ANOS1: variants seen among roughly 807,000 people sequenced by gnomAD.
ANOS1 encodes the protein anosmin-1.
A neutral mutation model predicts 59.0 loss-of-function variants in ANOS1; 6 were observed. That is an observed-to-expected ratio of 0.10 (90% CI 0.06 to 0.20). The LOEUF (loss-of-function observed/expected upper bound fraction) is 0.20. Among genes scored for constraint, ANOS1 ranks in the 10% least tolerant of loss-of-function variants. The pLI is 1.00. For missense variants in ANOS1, 433 were observed against 542.3 expected, an observed-to-expected ratio of 0.80 and a Z score of 2.00; for synonymous variants, 217 against 223.4, an observed-to-expected ratio of 0.97 and a Z score of 0.25.
rs773646066 is a variant in ANOS1, at chrX:8,619,419, C to T, written c.318+4189G>A. ...AGGAGATGGAGACCATCCTGGCCAA[C>T]ATGGTGAAACCCCGTCTCTACTAAA... On this transcript the variant is annotated intron_variant, in intron 3 of 13. Coordinates refer to ENST00000262648, the MANE Select transcript of ANOS1 (RefSeq NM_000216.4). Among the ~76,000 whole-genome samples, 28 of 111,143 alleles carry T rather than the reference C, an allele frequency of 2.5e-4. No homozygotes were observed. In the South Asian group the frequency reaches 3.0e-3, roughly 12 times the overall value.
At chrX:8,634,712 T>A (rs1233547961) in intron 2 of ANOS1, among the ~76,000 whole-genome samples, 1 of 112,257 alleles carries the variant, frequency 8.9e-6, no homozygotes. Context: ...AATAAATTCA[T>A]AAAATAATCT....
At chrX:8,627,728 G>C (rs936886668) in intron 2 of ANOS1, among the ~76,000 whole-genome samples, 1 of 107,792 alleles carries the variant, frequency 9.3e-6, no homozygotes, top group Non-Finnish European at 1.9e-5. Context: ...ACTCTGGCCA[G>C]TTAAAAAAAA....
At chrX:8,572,821 A>G (rs778441037) in intron 6 of ANOS1, among the ~76,000 whole-genome samples, 8 of 111,437 alleles carry the variant, frequency 7.2e-5, no homozygotes, top group African/African-American at 2.3e-4. Context: ...TATGAGGTAG[A>G]TGACCTGCAG....
At chrX:8,664,809 G>C (rs759802840) in intron 2 of ANOS1, among the ~76,000 whole-genome samples, 1 of 111,665 alleles carries the variant, frequency 9.0e-6, no homozygotes, top group East Asian at 2.8e-4. Flanking sequence ...GAGCAGCCAC[G>C]GTGGTGTCTC....
chrX:8,675,083 G>A (rs1408457973), intron 2 of ANOS1, among the ~76,000 whole-genome samples: 1 of 111,134 alleles, frequency 9.0e-6, no homozygotes, highest in Non-Finnish European at 1.9e-5. Flanking sequence ...ATGTGAGCCA[G>A]TGAAGGAAAT....
intron 1 of ANOS1, among the ~76,000 whole-genome samples, chrX:8,719,769 G>A (rs1467177564): frequency 9.0e-6 from 1 of 110,632 alleles, no homozygotes; most frequent in Admixed American, 9.7e-5. Context: ...ATATATTTTT[G>A]AGCTCACTAA....
intron 1 of ANOS1, among the ~76,000 whole-genome samples, chrX:8,706,518 C>T (rs1026548256): frequency 8.9e-6 from 1 of 111,803 alleles, no homozygotes; most frequent in Non-Finnish European, 1.9e-5. Flanking sequence ...CATACAACAC[C>T]AAAAGTGAAG....
chrX:8,643,911 A>G (rs1045215968), intron 2 of ANOS1, among the ~76,000 whole-genome samples: 18 of 109,998 alleles, frequency 1.6e-4, no homozygotes, highest in Middle Eastern at 9.4e-3. Flanking sequence ...CACCCCCCCA[A>G]CCCCGCCTCC....
At chrX:8,563,278 C>T (rs1930060716) in intron 8 of ANOS1, among the ~76,000 whole-genome samples, 1 of 112,402 alleles carries the variant, frequency 8.9e-6, no homozygotes, top group South Asian at 3.6e-4. Context: ...ACTACCATAT[C>T]TCTTAATTAA....
chrX:8,562,281 A>G (rs769056615), intron 8 of ANOS1, among the ~76,000 whole-genome samples: 4 of 111,983 alleles, frequency 3.6e-5, no homozygotes, highest in Non-Finnish European at 7.5e-5. Flanking sequence ...GTAAAAACAT[A>G]TTTTTATATA....
chrX:8,715,272 TTC>T (rs1003357465), intron 1 of ANOS1, among the ~76,000 whole-genome samples: 2 of 110,547 alleles, frequency 1.8e-5, no homozygotes, highest in African/African-American at 6.6e-5. Context: ...GGTGAAATAT[TTC>T]TCTTTTTTCA....
chrX:8,731,341 T>C (rs1156672294), intron 1 of ANOS1, among the ~76,000 whole-genome samples: 1 of 111,417 alleles, frequency 9.0e-6, no homozygotes, highest in African/African-American at 3.3e-5. Flanking sequence ...GTGAAAACCA[T>C]CTTTCAAAAG....
intron 1 of ANOS1, among the ~76,000 whole-genome samples, chrX:8,725,697 G>GAT (rs35639224): frequency 3.7e-5 from 1 of 27,040 alleles, no homozygotes; most frequent in Non-Finnish European, 6.2e-5. Context: ...TATATATACA[G>GAT]ATATATATAT....
intron 6 of ANOS1, among the ~76,000 whole-genome samples, chrX:8,582,260 T>C (rs1389768969): frequency 8.9e-6 from 1 of 112,434 alleles, no homozygotes; most frequent in African/African-American, 3.2e-5. Flanking sequence ...CTTACACATA[T>C]AAGTAGCATG....
At chrX:8,565,066 T>C in intron 8 of ANOS1, among the ~76,000 whole-genome samples, 1 of 112,010 alleles carries the variant, frequency 8.9e-6, no homozygotes, top group African/African-American at 3.2e-5. Flanking sequence ...GTTTTGTCTG[T>C]GGGCTGGACC....
intron 6 of ANOS1, among the ~76,000 whole-genome samples, chrX:8,578,256 A>G (rs2077223): frequency 0.061 from 6,772 of 110,432 alleles, 525 homozygotes; most frequent in African/African-American, 0.2. Context: ...TGCTTCTAAT[A>G]ATATTTAAAC....
rs1381241136 is a variant in ANOS1, at chrX:8,726,199, C to T, written c.207+5631G>A. On this transcript the variant is annotated intron_variant, in intron 1 of 13. Transcript: ENST00000262648. ...TTTTGATGCGCTAATTGTTTGTTTA[C>T]TTTGCCTTGGAGGAGAGGCTGGCCC... 2.7e-5 allele frequency among the ~76,000 whole-genome samples: 3 copies of T among 111,435 alleles called. No homozygotes were observed. The East Asian group carries it at 8.5e-4, about 31-fold the overall frequency.
At chrX:8,588,541 GTTCAAGTCT>G (rs765668302) in intron 4 of ANOS1, among the ~76,000 whole-genome samples, 1 of 112,073 alleles carries the variant, frequency 8.9e-6, no homozygotes, top group South Asian at 3.7e-4. Flanking sequence ...GATTTCCAAA[GTTCAAGTCT>G]TTTGGATTCC....
Position 8,591,868 on chromosome X carries a change from G to T in ANOS1, c.542-3890C>A, listed in dbSNP as rs183409718. Among the ~76,000 whole-genome samples, 67 of 112,454 alleles carry T rather than the reference G, an allele frequency of 6.0e-4. 1 individual carries two copies. The East Asian group carries it at 7.0e-3, about 12-fold the overall frequency. On this transcript the variant is annotated intron_variant, in intron 4 of 13. Coordinates refer to ENST00000262648, the MANE Select transcript of ANOS1 (RefSeq NM_000216.4). ...TCAATGTGTTTTTTATTATGTAAATGATTAGCATTTTTCTCTTTAAAATTA... is the reference window on the plus strand; with the variant it reads ...TCAATGTGTTTTTTATTATGTAAATTATTAGCATTTTTCTCTTTAAAATTA...
Sources: gnomAD v4.1 joint callset for allele counts (sites outside exome capture counted in the v4.1 genomes callset) on GRCh38, gnomAD v4.1.1 for gene constraint, MANE v1.5 for transcripts, NCBI Gene and HGNC (gene_info 2026-07-23, HGNC 2026-07-21) for gene names.